GPI: variants seen among roughly 807,000 people sequenced by gnomAD.
GPI encodes the protein D-hexose-6-phosphate anomerase.
GPI carries 56 observed loss-of-function variants against 75.8 expected under a neutral mutation model. The ratio of observed to expected loss-of-function variants is 0.74; its 90% CI spans 0.60 to 0.92. GPI has a LOEUF of 0.92. Among genes scored for constraint, GPI ranks in the 40% least tolerant of loss-of-function variants. The pLI, the probability that GPI is intolerant of heterozygous loss-of-function variation, is 0.00. For synonymous variants in GPI, 288 were observed against 285.4 expected, an observed-to-expected ratio of 1.01 and a Z score of -0.09; for missense variants, 638 against 741.0, an observed-to-expected ratio of 0.86 and a Z score of 1.61.
chr19:34,393,862 C>G lies in GPI; in HGVS notation c.910-52C>G, dbSNP rs1244615797. 1.9e-6 allele frequency: 3 copies of G among 1,608,070 alleles called. No individual in the cohort carries two copies. Among genetic ancestry groups the G allele is most frequent in the South Asian group, 1.1e-5 (1 of 90,986 alleles). ...CGCTTTCTCCCCCACTGTCCTGTCCCTCCCCTCCCCGTGCAGCTGCTCAGC... is the reference window on the plus strand; with the variant it reads ...CGCTTTCTCCCCCACTGTCCTGTCCGTCCCCTCCCCGTGCAGCTGCTCAGC... On this transcript the variant is annotated intron_variant, in intron 11 of 17. Coordinates refer to ENST00000356487, the MANE Select transcript of GPI (RefSeq NM_000175.5). The surrounding 1 kb of genome is among the most constrained non-coding windows in gnomAD (Gnocchi z 4.4).
At chr19:34,361,761 A>G (rs1330392874), upstream of GPI, among the ~76,000 whole-genome samples, 2 of 151,632 alleles carry the variant, frequency 1.3e-5, no homozygotes, top group African/African-American at 4.8e-5. Context: ...TGGGTGGATT[A>G]CCTTAGGTCA....
intron 9 of GPI, among the ~76,000 whole-genome samples, chr19:34,388,993 T>G (rs951481799): frequency 1.3e-5 from 2 of 151,790 alleles, no homozygotes; most frequent in African/African-American, 4.8e-5. Context: ...CTGGGGAGGC[T>G]GAGATGGGAG....
At chr19:34,370,637 A>T (rs2074437478) in intron 4 of GPI, among the ~76,000 whole-genome samples, 1 of 151,978 alleles carries the variant, frequency 6.6e-6, no homozygotes, top group South Asian at 2.1e-4. Flanking sequence ...AGGCAGGAGA[A>T]TCTCTTGAAC....
chr19:34,388,214 C>T (rs928370819), intron 9 of GPI, among the ~76,000 whole-genome samples: 6 of 152,206 alleles, frequency 3.9e-5, no homozygotes, highest in Non-Finnish European at 7.3e-5. Flanking sequence ...CAGTGGCTCA[C>T]GCCTGTCATC....
Position 34,393,157 on chromosome 19 carries a change from C to T in GPI, c.805-91C>T. 9.6e-7 allele frequency: 1 copy of T among 1,043,584 alleles called. No individual in the cohort carries two copies. Among genetic ancestry groups the T allele is most frequent in the East Asian group, 2.4e-5 (1 of 42,246 alleles). The allele number at this position is 1,043,584 out of a possible 1,614,324, so 64.6% of individuals were successfully genotyped here. Reference sequence around the variant, plus strand: ...GTTGGGCCAGGGCCCTCCGAGACGCCCCTGTGCAAGACCAGGGACAGGGTT... The same window carrying T: ...GTTGGGCCAGGGCCCTCCGAGACGCTCCTGTGCAAGACCAGGGACAGGGTT... On this transcript the variant is annotated intron_variant, in intron 9 of 17. Transcript: ENST00000356487. This position sits in a 1 kb window ranked among gnomAD's most constrained non-coding sequence, Gnocchi z 4.4.
rs2075022724 is a variant in GPI, at chr19:34,401,531, T to G, written c.*1495T>G. 2 of 152,296 alleles carry G rather than the reference T, an allele frequency of 1.3e-5. No individual in the cohort carries two copies. Among genetic ancestry groups the G allele is most frequent in the Admixed American group, 6.5e-5 (1 of 15,288 alleles). The allele number at this position is 152,296 out of a possible 1,614,324, so 9.4% of individuals were successfully genotyped here. On this transcript the variant is annotated 3_prime_UTR_variant, in exon 18 of 18. Transcript: ENST00000356487. ...CCACCGCGCCCAGCAAGGCGGGTCTTGCTGTGTTTCCCAGACTAGACTGGT... is the reference window on the plus strand; with the variant it reads ...CCACCGCGCCCAGCAAGGCGGGTCTGGCTGTGTTTCCCAGACTAGACTGGT...
intron 14 of GPI, 86 bp from the exon 15 acceptor site, chr19:34,399,121 C>G: frequency 1.5e-6 from 2 of 1,373,452 alleles, no homozygotes; most frequent in South Asian, 1.3e-5. Flanking sequence ...TGGGACTGAC[C>G]CCTGCTGAGA....
chr19:34,392,781 A>T (rs367669683), intron 9 of GPI: 5,023 of 267,462 alleles, frequency 0.019, 41 homozygotes, highest in Middle Eastern at 0.049. Context: ...GGGTCTGTCC[A>T]TATCTGAGGA....
intron 3 of GPI, among the ~76,000 whole-genome samples, chr19:34,367,436 C>T (rs146149503): frequency 2.6e-4 from 40 of 152,356 alleles, no homozygotes; most frequent in African/African-American, 9.6e-4. Context: ...TGGAGATTCA[C>T]ACTCAACCTG....
intron 9 of GPI, chr19:34,392,825 G>A: frequency 6.1e-6 from 1 of 163,894 alleles, no homozygotes; most frequent in Non-Finnish European, 1.1e-5. Flanking sequence ...GGATCTGGGT[G>A]TGTCCGTGTC....
intron 8 of GPI, chr19:34,380,873 G>A (rs1294366019): frequency 4.9e-6 from 1 of 205,538 alleles, no homozygotes; most frequent in Admixed American, 5.3e-5. Flanking sequence ...CCATAGCACT[G>A]TTGCCTGCCT....
intron 3 of GPI, among the ~76,000 whole-genome samples, chr19:34,367,554 G>A (rs2145322008): frequency 1.3e-5 from 2 of 152,310 alleles, no homozygotes; most frequent in Admixed American, 1.3e-4. Flanking sequence ...GGCAGGGTGA[G>A]GGTGGGGTGG....
At chr19:34,366,717 T>G (rs1319038345) in intron 2 of GPI, 66 bp from the exon 3 acceptor site, 3 of 1,095,752 alleles carry the variant, frequency 2.7e-6, no homozygotes, top group Non-Finnish European at 4.2e-6. Context: ...AAGCCTTGTG[T>G]TTGGGGGCTG....
At chr19:34,377,695 G>A (rs1599824460) in intron 5 of GPI, 40 bp from the exon 6 acceptor site, 1 of 1,611,508 alleles carries the variant, frequency 6.2e-7, no homozygotes, top group East Asian at 2.2e-5. Flanking sequence ...CTTTTCGTGG[G>A]CCCTGAATTC....
chr19:34,384,300 C>T (rs1215459414), intron 9 of GPI, among the ~76,000 whole-genome samples: 4 of 151,978 alleles, frequency 2.6e-5, no homozygotes, highest in African/African-American at 4.8e-5. Context: ...TGGGTCTGGT[C>T]GAGGTACGTA....
At position 34,377,494 on chromosome 19, in the gene GPI, C is replaced by T. The variant is rs1471331580; in HGVS notation, c.403-9C>T. On this transcript the variant is annotated splice_polypyrimidine_tract_variant and intron_variant, in intron 4 of 17. Transcript: ENST00000356487. ...GTTTGGGCTGATGGCATCTTCGCCCCTGTGCCAGCGTGTCCGGAGCGGTGA... is the reference window on the plus strand; with the variant it reads ...GTTTGGGCTGATGGCATCTTCGCCCTTGTGCCAGCGTGTCCGGAGCGGTGA... 5.0e-6 allele frequency: 8 copies of T among 1,606,998 alleles called. No individual in the cohort carries two copies. Among genetic ancestry groups the T allele is most frequent in the South Asian group, 2.2e-5 (2 of 90,922 alleles).
At position 34,393,088 on chromosome 19, in the gene GPI, A is replaced by T. The variant is rs1353919825; in HGVS notation, c.805-160A>T. The T allele has an allele frequency of 1.4e-6, 1 of 690,770 alleles. No individual in the cohort carries two copies. The highest frequency in any genetic ancestry group is 1.8e-5 in the African/African-American group (1 of 56,894). The allele number at this position is 690,770 out of a possible 1,614,324, so 42.8% of individuals were successfully genotyped here. A position where few individuals can be genotyped will look rare whatever the true frequency, so the allele number is the denominator to read the frequency against. ...TGTAGTCTGCCCTGTTGGTCTTCCC[A>T]TGTGTTGCCAGCACCTGCCTGCTGC... On this transcript the variant is annotated intron_variant, in intron 9 of 17. Transcript: ENST00000356487. This position sits in a 1 kb window ranked among gnomAD's most constrained non-coding sequence, Gnocchi z 4.4.
chr19:34,386,709 G>C (rs1020042471), intron 9 of GPI, among the ~76,000 whole-genome samples: 2 of 152,186 alleles, frequency 1.3e-5, no homozygotes, highest in Non-Finnish European at 2.9e-5. Context: ...TAAGTTAGAC[G>C]TGGGTAGGTA....
intron 4 of GPI, among the ~76,000 whole-genome samples, chr19:34,377,192 C>T (rs2074550906): frequency 6.7e-6 from 1 of 148,490 alleles, no homozygotes; most frequent in African/African-American, 2.5e-5. Flanking sequence ...GTCCCAGCTA[C>T]TCAGGAGGCT....
Sources: allele counts gnomAD v4.1 joint callset (sites outside exome capture counted in the v4.1 genomes callset), GRCh38; gene constraint gnomAD v4.1.1; non-coding constraint Gnocchi (gnomAD v3.1); transcripts MANE v1.5; gene names NCBI Gene and HGNC (gene_info 2026-07-23, HGNC 2026-07-21).